Variants in C1orf21 observed in about 807,000 individuals in gnomAD.
The protein encoded by C1orf21 is chromosome 1 open reading frame 21.
In C1orf21, 3 loss-of-function variants were observed where a neutral mutation model predicts 18.7. The observed-to-expected ratio is 0.16, with a 90% CI of 0.07 to 0.42. The LOEUF is 0.42. Ranked by LOEUF, C1orf21 falls within the 10% of genes least tolerant of loss-of-function variation. C1orf21 has a pLI of 0.99. For missense variants in C1orf21, 104 were observed against 143.6 expected (o/e 0.72, Z 1.41); for synonymous variants, 41 against 46.4 (o/e 0.88, Z 0.47).
chr1:184,523,771 T>C lies in C1orf21; in HGVS notation c.189+16089T>C, dbSNP rs75980672. Among the ~76,000 whole-genome samples, 44 of 152,298 alleles carry C rather than the reference T, an allele frequency of 2.9e-4. 1 individual carries two copies. The East Asian group carries it at 5.8e-3, about 20-fold the overall frequency. ...ATTTGTTTAAATATGAAAAAGGACCTATACCATACACACTGTGAAATGCCA... is the reference window on the plus strand; with the variant it reads ...ATTTGTTTAAATATGAAAAAGGACCCATACCATACACACTGTGAAATGCCA... On this transcript the variant is annotated intron_variant, in intron 3 of 5. Transcript: ENST00000235307.
At chr1:184,489,982 G>A (rs1011593920) in intron 2 of C1orf21, among the ~76,000 whole-genome samples, 2 of 152,184 alleles carry the variant, frequency 1.3e-5, no homozygotes, top group Non-Finnish European at 2.9e-5. Context: ...TAATTCAAAT[G>A]TTTCCATCTC....
intron 5 of C1orf21, among the ~76,000 whole-genome samples, chr1:184,607,695 GTA>G (rs1222638106): frequency 8.1e-5 from 12 of 147,908 alleles, no homozygotes; most frequent in Admixed American, 4.7e-4. Flanking sequence ...ATATGTGTGT[GTA>G]TATATATACA....
chr1:184,519,231 G>A (rs1378743949), intron 3 of C1orf21, among the ~76,000 whole-genome samples: 1 of 152,136 alleles, frequency 6.6e-6, no homozygotes, highest in African/African-American at 2.4e-5. Context: ...GATGCAGGGT[G>A]CTATCTAAAA....
At chr1:184,597,068 G>C (rs188575809) in intron 4 of C1orf21, among the ~76,000 whole-genome samples, 2 of 152,204 alleles carry the variant, frequency 1.3e-5, no homozygotes, top group East Asian at 3.9e-4. Flanking sequence ...TTCTGCCCAG[G>C]ATCCTACAGA....
chr1:184,587,659 T>TG (rs1040540830), intron 3 of C1orf21, among the ~76,000 whole-genome samples: 1 of 150,142 alleles, frequency 6.7e-6, no homozygotes, highest in African/African-American at 2.4e-5. Context: ...TGTATGGTTT[T>TG]TTTTTTTTTT....
intron 1 of C1orf21, among the ~76,000 whole-genome samples, chr1:184,389,559 C>T (rs1193220943): frequency 6.6e-6 from 1 of 152,174 alleles, no homozygotes; most frequent in Non-Finnish European, 1.5e-5. Context: ...AATCACAGGG[C>T]ATCATTCAAG....
intron 5 of C1orf21, among the ~76,000 whole-genome samples, chr1:184,606,569 G>A (rs910739244): frequency 2.0e-5 from 3 of 152,148 alleles, no homozygotes; most frequent in Non-Finnish European, 2.9e-5. Context: ...GACAGAGCAA[G>A]ACTTTGTCTC....
intron 1 of C1orf21, among the ~76,000 whole-genome samples, chr1:184,401,085 C>A (rs1656143194): frequency 6.6e-6 from 1 of 152,190 alleles, no homozygotes; most frequent in South Asian, 2.1e-4. Flanking sequence ...TAATTTTTAT[C>A]TCTCTGATTC....
At chr1:184,560,910 A>G (rs934871230) in intron 3 of C1orf21, among the ~76,000 whole-genome samples, 1 of 152,238 alleles carries the variant, frequency 6.6e-6, no homozygotes, top group Admixed American at 6.5e-5. Context: ...AATAGGAATT[A>G]TTTTTAATTA....
chr1:184,457,123 C>T (rs571249156), intron 1 of C1orf21, among the ~76,000 whole-genome samples: 12 of 152,250 alleles, frequency 7.9e-5, no homozygotes, highest in Admixed American at 3.3e-4. Flanking sequence ...TCCATAAATG[C>T]TGTTGCTGTG....
chr1:184,596,145 C>G (rs891704717), intron 4 of C1orf21, among the ~76,000 whole-genome samples: 3 of 152,146 alleles, frequency 2.0e-5, no homozygotes, highest in African/African-American at 7.2e-5. Flanking sequence ...CCTCTTGTCC[C>G]TCTCATGTGC....
At chr1:184,535,057 A>G (rs1658530988) in intron 3 of C1orf21, among the ~76,000 whole-genome samples, 1 of 150,010 alleles carries the variant, frequency 6.7e-6, no homozygotes, top group African/African-American at 2.4e-5. Context: ...GGAGCTCTTG[A>G]AATTATTTAA....
intron 2 of C1orf21, among the ~76,000 whole-genome samples, chr1:184,494,665 C>A (rs1442467514): frequency 6.6e-6 from 1 of 152,018 alleles, no homozygotes; most frequent in South Asian, 2.1e-4. Context: ...AATACAAGCT[C>A]CTCTTTAGTG....
chr1:184,455,118 G>T (rs903924289), intron 1 of C1orf21, among the ~76,000 whole-genome samples: 1 of 152,126 alleles, frequency 6.6e-6, no homozygotes, highest in Admixed American at 6.6e-5. Flanking sequence ...AACACTTTGG[G>T]CCATTCAGAA....
chr1:184,591,510 T>C (rs1659435552), intron 4 of C1orf21, among the ~76,000 whole-genome samples: 2 of 152,114 alleles, frequency 1.3e-5, no homozygotes, highest in South Asian at 4.1e-4. Flanking sequence ...AACCCAAATG[T>C]CCATTGAAAA....
chr1:184,508,171 A>G (rs1658094444), intron 3 of C1orf21, among the ~76,000 whole-genome samples: 1 of 152,282 alleles, frequency 6.6e-6, no homozygotes, highest in Non-Finnish European at 1.5e-5. Context: ...CACATTCACA[A>G]TATTAAGGGT....
At chr1:184,528,052 G>C (rs766756065) in intron 3 of C1orf21, among the ~76,000 whole-genome samples, 1 of 152,108 alleles carries the variant, frequency 6.6e-6, no homozygotes, top group Non-Finnish European at 1.5e-5. Flanking sequence ...TGCCTAGAAC[G>C]GTGCCAGGTA....
At chr1:184,471,452 T>A (rs996913809) in intron 1 of C1orf21, among the ~76,000 whole-genome samples, 7 of 151,976 alleles carry the variant, frequency 4.6e-5, no homozygotes, top group Non-Finnish European at 8.8e-5. Context: ...AAGACATGGC[T>A]TTTTTTTAAG....
chr1:184,414,545 G>T (rs1371800341), intron 1 of C1orf21, among the ~76,000 whole-genome samples: 1 of 151,878 alleles, frequency 6.6e-6, no homozygotes, highest in Non-Finnish European at 1.5e-5. Flanking sequence ...TACTGTGTTT[G>T]TGTACACCAA....
Sources: gnomAD v4.1 joint callset for allele counts (sites outside exome capture counted in the v4.1 genomes callset) on GRCh38, gnomAD v4.1.1 for gene constraint, MANE v1.5 for transcripts, NCBI Gene and HGNC (gene_info 2026-07-23, HGNC 2026-07-21) for gene names.